HS6ST3: variants seen among roughly 807,000 people sequenced by gnomAD.
HS6ST3 encodes the protein heparan sulfate 6-O-sulfotransferase 3.
In HS6ST3, 12 loss-of-function variants were observed where a neutral mutation model predicts 36.7. The observed-to-expected ratio is 0.33, with a 90% CI of 0.21 to 0.53. HS6ST3 has a LOEUF of 0.53. Among genes scored for constraint, HS6ST3 ranks in the 20% least tolerant of loss-of-function variants. The probability of loss-of-function intolerance (pLI) is 0.95; values close to 1 mark genes in which losing one functional copy is unlikely to be tolerated. For missense variants in HS6ST3, 584 were observed against 640.9 expected, an observed-to-expected ratio of 0.91 and a Z score of 0.96; for synonymous variants, 240 against 257.5, an observed-to-expected ratio of 0.93 and a Z score of 0.65.
rs182242812 is a variant in HS6ST3 at position 96,114,082 on chromosome 13, A to G, written c.707+22513A>G. Reference sequence around the variant, plus strand: ...CAGGTTCTACAAAGAAACATAATAAAATGAAAAAAGTTGTGAAAATGTGGG... The same window carrying G: ...CAGGTTCTACAAAGAAACATAATAAGATGAAAAAAGTTGTGAAAATGTGGG... On this transcript the variant is annotated intron_variant, in intron 1 of 1. Transcript: ENST00000376705. Among the ~76,000 whole-genome samples the G allele has an allele frequency of 2.0e-5, 3 of 152,242 alleles. No homozygotes were observed. In the East Asian group the frequency reaches 5.8e-4, roughly 29 times the overall value.
chr13:96,263,385 C>T lies in HS6ST3; in HGVS notation c.707+171816C>T, dbSNP rs118028007. ...ATTCACTTAGAAAGTTTTTCCAGTC[C>T]GTATTCTACAGTTGACTTAACTTTC... On this transcript the variant is annotated intron_variant, in intron 1 of 1. Coordinates refer to ENST00000376705, the MANE Select transcript of HS6ST3 (RefSeq NM_153456.4). Among the ~76,000 whole-genome samples the T allele has an allele frequency of 6.0e-4, 92 of 152,100 alleles. No individual in the cohort carries two copies. The East Asian group carries it at 0.011, about 18-fold the overall frequency.
At chr13:96,346,881 A>G (rs966775470) in intron 1 of HS6ST3, among the ~76,000 whole-genome samples, 5 of 152,128 alleles carry the variant, frequency 3.3e-5, no homozygotes, top group African/African-American at 1.2e-4. Context: ...GTTACAAGAA[A>G]TCATGACTGC....
intron 1 of HS6ST3, among the ~76,000 whole-genome samples, chr13:96,482,257 A>G (rs896289793): frequency 6.6e-6 from 1 of 152,154 alleles, no homozygotes; most frequent in African/African-American, 2.4e-5. Flanking sequence ...CTCCTGGGGC[A>G]AATGCATGCT....
chr13:96,320,407 T>C (rs61966905), intron 1 of HS6ST3, among the ~76,000 whole-genome samples: 10,712 of 152,306 alleles, frequency 0.07, 469 homozygotes, highest in Middle Eastern at 0.12. Context: ...AGAGTTTTCA[T>C]TGAGATGTGA....
intron 1 of HS6ST3, among the ~76,000 whole-genome samples, chr13:96,178,054 T>C (rs1390240901): frequency 6.6e-6 from 1 of 152,172 alleles, no homozygotes; most frequent in Admixed American, 6.5e-5. Flanking sequence ...GATGTATAAC[T>C]ATATGTTTAC....
At chr13:96,391,345 G>A (rs2055394238) in intron 1 of HS6ST3, among the ~76,000 whole-genome samples, 1 of 152,086 alleles carries the variant, frequency 6.6e-6, no homozygotes, top group African/African-American at 2.4e-5. Flanking sequence ...TTGAAAATGT[G>A]TCCTGCATAC....
At chr13:96,510,034 G>A (rs1026519895) in intron 1 of HS6ST3, among the ~76,000 whole-genome samples, 1 of 151,802 alleles carries the variant, frequency 6.6e-6, no homozygotes, top group East Asian at 1.9e-4. Flanking sequence ...AGTGTTTTGT[G>A]GTTCTCCGTG....
At chr13:96,428,916 G>C (rs1331817674) in intron 1 of HS6ST3, among the ~76,000 whole-genome samples, 1 of 152,190 alleles carries the variant, frequency 6.6e-6, no homozygotes, top group African/African-American at 2.4e-5. Context: ...AATAGAATAT[G>C]GTGGAAGAAC....
intron 1 of HS6ST3, among the ~76,000 whole-genome samples, chr13:96,202,396 A>G (rs150333328): frequency 6.6e-6 from 1 of 152,152 alleles, no homozygotes; most frequent in Non-Finnish European, 1.5e-5. Context: ...CGCTGATTTC[A>G]TCAAATGCCT....
chr13:96,405,757 A>G (rs2055475192), intron 1 of HS6ST3, among the ~76,000 whole-genome samples: 2 of 152,204 alleles, frequency 1.3e-5, no homozygotes, highest in Non-Finnish European at 2.9e-5. Context: ...CCAGTGCAAA[A>G]AAGGACAGGT....
chr13:96,161,601 G>A (rs2054136016), intron 1 of HS6ST3, among the ~76,000 whole-genome samples: 1 of 152,122 alleles, frequency 6.6e-6, no homozygotes, highest in African/African-American at 2.4e-5. Flanking sequence ...CAATGATCAG[G>A]CCCTCTCAGT....
intron 1 of HS6ST3, among the ~76,000 whole-genome samples, chr13:96,261,132 G>A (rs2054664607): frequency 1.3e-5 from 2 of 151,784 alleles, no homozygotes; most frequent in Admixed American, 1.3e-4. Flanking sequence ...TCTTTGAATT[G>A]TATCTTAAAA....
intron 1 of HS6ST3, among the ~76,000 whole-genome samples, chr13:96,569,104 C>T (rs759638897): frequency 6.6e-6 from 1 of 152,156 alleles, no homozygotes; most frequent in Non-Finnish European, 1.5e-5. Flanking sequence ...ATTATGATCT[C>T]ATAGTGAAAA....
intron 1 of HS6ST3, among the ~76,000 whole-genome samples, chr13:96,610,552 G>A: frequency 6.6e-6 from 1 of 152,054 alleles, no homozygotes; most frequent in Non-Finnish European, 1.5e-5. Flanking sequence ...TTCTTTCTTT[G>A]TTCCTTCCCT....
chr13:96,439,453 T>C (rs1207037900), intron 1 of HS6ST3, among the ~76,000 whole-genome samples: 1 of 152,244 alleles, frequency 6.6e-6, no homozygotes, highest in East Asian at 1.9e-4. Context: ...TTCAAAGCAA[T>C]TCAAATAAAT....
chr13:96,619,348 TTTTCA>T (rs2056485664), intron 1 of HS6ST3, among the ~76,000 whole-genome samples: 1 of 152,172 alleles, frequency 6.6e-6, no homozygotes, highest in African/African-American at 2.4e-5. Context: ...CTATGACTTC[TTTTCA>T]GTTAATTTTG....
intron 1 of HS6ST3, among the ~76,000 whole-genome samples, chr13:96,216,436 T>C (rs1328198657): frequency 1.3e-5 from 2 of 152,160 alleles, no homozygotes; most frequent in Non-Finnish European, 2.9e-5. Flanking sequence ...CAATAAATAA[T>C]ATTAGGAGAA....
chr13:96,791,794 A>G (rs1271886697), intron 1 of HS6ST3, among the ~76,000 whole-genome samples: 1 of 151,942 alleles, frequency 6.6e-6, no homozygotes, highest in Non-Finnish European at 1.5e-5. Flanking sequence ...TCTGTCCCTG[A>G]TAACTGTTTT....
chr13:96,372,798 A>T (rs191920801), intron 1 of HS6ST3, among the ~76,000 whole-genome samples: 17 of 152,230 alleles, frequency 1.1e-4, no homozygotes, highest in Admixed American at 4.6e-4. Context: ...CTTTTGCTTG[A>T]TCAGTTCTGC....
Sources: gnomAD v4.1 joint callset for allele counts (sites outside exome capture counted in the v4.1 genomes callset) on GRCh38, gnomAD v4.1.1 for gene constraint, MANE v1.5 for transcripts, NCBI Gene and HGNC (gene_info 2026-07-23, HGNC 2026-07-21) for gene names.